Variants in WWOX observed in about 807,000 individuals in gnomAD.
WWOX encodes the protein WW domain-containing oxidoreductase.
Under a neutral mutation model 46.2 loss-of-function variants are expected in WWOX, and 69 were observed. The observed-to-expected ratio is 1.49, with a 90% CI of 1.23 to 1.82. WWOX has a LOEUF of 1.82. WWOX is among the 40% of genes most tolerant of loss of function. The pLI, the probability that WWOX is intolerant of heterozygous loss-of-function variation, is 0.00. For missense variants in WWOX, 919 were observed against 542.6 expected (o/e 1.69, Z -6.89); for synonymous variants, 359 against 202.6 (o/e 1.77, Z -6.56).
At position 78,764,285 on chromosome 16, in the gene WWOX, C is replaced by T. The variant is rs574584234; in HGVS notation, c.1056+331533C>T. On this transcript the variant is annotated intron_variant, in intron 8 of 8. Transcript: ENST00000566780. ...GAATTTCTCCGTGGGGAGGAGCTGC[C>T]ACCCAGTCCAGTGAGTATGGCCTTT... Among the ~76,000 whole-genome samples, 26 of 151,808 alleles carry T rather than the reference C, an allele frequency of 1.7e-4. No individual in the cohort carries two copies. The East Asian group carries it at 4.8e-3, about 28-fold the overall frequency.
chr16:78,104,110 C>T (rs372284019), intron 1 of WWOX, among the ~76,000 whole-genome samples: 5 of 152,186 alleles, frequency 3.3e-5, no homozygotes, highest in Admixed American at 6.5e-5. Flanking sequence ...TGCCCTTCCC[C>T]GTGCCTCTTA....
At chr16:78,121,461 G>C (rs376931514) in intron 4 of WWOX, among the ~76,000 whole-genome samples, 8 of 152,102 alleles carry the variant, frequency 5.3e-5, no homozygotes. Flanking sequence ...GACATTGAGT[G>C]TACATGGAAA....
At chr16:78,563,136 A>G (rs2044478922) in intron 8 of WWOX, among the ~76,000 whole-genome samples, 1 of 152,198 alleles carries the variant, frequency 6.6e-6, no homozygotes, top group Non-Finnish European at 1.5e-5. Context: ...GCTAGCCAAG[A>G]GCAGTGCGAT....
intron 5 of WWOX, among the ~76,000 whole-genome samples, chr16:78,293,624 C>T (rs13335579): frequency 0.38 from 57,408 of 151,806 alleles, 11,253 homozygotes; most frequent in African/African-American, 0.46. Context: ...CAGTCTGATC[C>T]GGTCAATTCT....
In WWOX at chr16:78,645,539, G is replaced by A. The variant is rs956594465; in HGVS notation, c.1056+212787G>A. The stretch of plus-strand genomic sequence containing the variant: ...AATGTATTTCTGATGAGGGCGTCAG[G>A]CAGCTTCTACTCATGGTGGAAAGTG... On this transcript the variant is annotated intron_variant, in intron 8 of 8. Transcript: ENST00000566780. Among the ~76,000 whole-genome samples, 4 of 152,114 alleles carry A rather than the reference G, an allele frequency of 2.6e-5. No homozygotes were observed. The South Asian group carries it at 8.3e-4, about 32-fold the overall frequency.
chr16:78,245,953 C>T (rs908714506), intron 5 of WWOX, among the ~76,000 whole-genome samples: 2 of 152,126 alleles, frequency 1.3e-5, no homozygotes, highest in Admixed American at 6.5e-5. Flanking sequence ...TGTTCTCGTC[C>T]GTTCCATATT....
chr16:78,888,768 A>G (rs1050977789), intron 8 of WWOX, among the ~76,000 whole-genome samples: 14 of 152,124 alleles, frequency 9.2e-5, no homozygotes, highest in East Asian at 5.8e-4. Flanking sequence ...GGTTAGTTCT[A>G]TGACCTTTGT....
chr16:78,207,122 C>A (rs1038422928), intron 5 of WWOX, among the ~76,000 whole-genome samples: 3 of 152,132 alleles, frequency 2.0e-5, no homozygotes, highest in Non-Finnish European at 2.9e-5. Context: ...ACCTATTGCT[C>A]ATTTTTACCA....
chr16:78,634,758 A>G (rs1364161651), intron 8 of WWOX, among the ~76,000 whole-genome samples: 6 of 150,946 alleles, frequency 4.0e-5, no homozygotes, highest in East Asian at 1.9e-4. Context: ...GATAAACATC[A>G]TCTGGACGGA....
chr16:78,791,676 G>A (rs577161120), intron 8 of WWOX, among the ~76,000 whole-genome samples: 3 of 152,160 alleles, frequency 2.0e-5, no homozygotes, highest in South Asian at 4.2e-4. Context: ...TCAGAAGTTC[G>A]AGACCAGCCT....
intron 8 of WWOX, among the ~76,000 whole-genome samples, chr16:78,630,571 A>C (rs980215776): frequency 4.6e-5 from 7 of 152,172 alleles, no homozygotes; most frequent in African/African-American, 1.7e-4. Context: ...GGGACTAATT[A>C]AATGCATCCT....
At chr16:78,974,712 C>G (rs987960614) in intron 8 of WWOX, among the ~76,000 whole-genome samples, 1 of 152,092 alleles carries the variant, frequency 6.6e-6, no homozygotes, top group Non-Finnish European at 1.5e-5. Context: ...ACAGAGTTGC[C>G]ACTTTGCCAA....
chr16:78,672,128 G>A (rs2047479263), intron 8 of WWOX, among the ~76,000 whole-genome samples: 1 of 152,120 alleles, frequency 6.6e-6, no homozygotes, highest in African/African-American at 2.4e-5. Flanking sequence ...TACCGGCAGG[G>A]CAGCAAATAC....
chr16:79,055,054 GA>G (rs2048236990), intron 8 of WWOX, among the ~76,000 whole-genome samples: 2 of 152,188 alleles, frequency 1.3e-5, no homozygotes, highest in African/African-American at 4.8e-5. Flanking sequence ...TTTCGTCAGA[GA>G]CCTAAAATGG....
In WWOX at chr16:78,583,789, C is replaced by T. The variant is rs531905817; in HGVS notation, c.1056+151037C>T. ...AAATCAGGAGCCAAGGGCGAAGCTGCCTTTTAAATGCTCTTTCTGAAAGAG... is the reference window on the plus strand; with the variant it reads ...AAATCAGGAGCCAAGGGCGAAGCTGTCTTTTAAATGCTCTTTCTGAAAGAG... On this transcript the variant is annotated intron_variant, in intron 8 of 8. Transcript: ENST00000566780. Among the ~76,000 whole-genome samples the T allele has an allele frequency of 1.1e-4, 17 of 152,278 alleles. No homozygotes were observed. In the East Asian group the frequency reaches 2.1e-3, roughly 19 times the overall value.
intron 8 of WWOX, among the ~76,000 whole-genome samples, chr16:79,188,973 A>G (rs1213023822): frequency 6.6e-6 from 1 of 152,198 alleles, no homozygotes; most frequent in Non-Finnish European, 1.5e-5. Context: ...TTGCATGCAA[A>G]TCTATATTGT....
At chr16:78,370,348 A>G (rs1294835639) in intron 5 of WWOX, among the ~76,000 whole-genome samples, 1 of 152,162 alleles carries the variant, frequency 6.6e-6, no homozygotes, top group Non-Finnish European at 1.5e-5. Context: ...CTTAGAGCAG[A>G]GTTCAGTACA....
intron 8 of WWOX, among the ~76,000 whole-genome samples, chr16:79,170,009 A>G (rs2050669423): frequency 6.6e-6 from 1 of 152,098 alleles, no homozygotes; most frequent in African/African-American, 2.4e-5. Context: ...TCTTTAGGAC[A>G]CCTTCATTAC....
chr16:78,932,407 A>G (rs1407029237), intron 8 of WWOX, among the ~76,000 whole-genome samples: 4 of 152,172 alleles, frequency 2.6e-5, no homozygotes, highest in African/African-American at 4.8e-5. Context: ...CTATGCCTGG[A>G]TAAGAACATG....
Sources: allele counts gnomAD v4.1 joint callset (sites outside exome capture counted in the v4.1 genomes callset), GRCh38; gene constraint gnomAD v4.1.1; transcripts MANE v1.5; gene names NCBI Gene and HGNC (gene_info 2026-07-23, HGNC 2026-07-21).